The following ANO2 variants were observed in gnomAD, a reference collection of about 807,000 sequenced individuals.
The protein encoded by ANO2 is anoctamin 2.
In ANO2, 101 loss-of-function variants were observed where a neutral mutation model predicts 124.2. The observed-to-expected ratio is 0.81, with a 90% CI of 0.69 to 0.96. ANO2 has a LOEUF of 0.96. ANO2 is among the 40% of genes least tolerant of loss of function. ANO2 has a pLI of 0.00. For synonymous variants in ANO2, 486 were observed against 482.5 expected, an observed-to-expected ratio of 1.01 and a Z score of -0.09; for missense variants, 1,293 against 1,274.5, an observed-to-expected ratio of 1.01 and a Z score of -0.22.
At chr12:5,581,264 A>C (rs888064246) in intron 20 of ANO2, among the ~76,000 whole-genome samples, 2 of 152,208 alleles carry the variant, frequency 1.3e-5, no homozygotes, top group African/African-American at 4.8e-5. Context: ...CAGCAGGGCA[A>C]ATGTTCTTAT....
chr12:5,945,228 C>T lies in ANO2; in HGVS notation c.-11G>A. The T allele has an allele frequency of 7.8e-7, 1 of 1,287,452 alleles. No individual in the cohort carries two copies. Among genetic ancestry groups the T allele is most frequent in the Non-Finnish European group, 1.0e-6 (1 of 987,530 alleles). The allele number at this position is 1,287,452 out of a possible 1,614,324, so 79.8% of individuals were successfully genotyped here. A position where few individuals can be genotyped will look rare whatever the true frequency, so the allele number is the denominator to read the frequency against. The stretch of plus-strand genomic sequence containing the variant: ...CCCGGGAGTCGCCATGATGTGGACG[C>T]AGACCCCGCCGGCCCGCGGCCGCGC... On this transcript the variant is annotated 5_prime_UTR_variant, in exon 1 of 25. Transcript: ENST00000682330.
chr12:5,894,451 C>T (rs1208226481), intron 3 of ANO2, among the ~76,000 whole-genome samples: 1 of 152,184 alleles, frequency 6.6e-6, no homozygotes, highest in East Asian at 1.9e-4. Context: ...CCTGTTCACT[C>T]TGATGATAGT....
At chr12:5,826,047 A>C (rs1342705506) in intron 7 of ANO2, among the ~76,000 whole-genome samples, 1 of 152,234 alleles carries the variant, frequency 6.6e-6, no homozygotes, top group Non-Finnish European at 1.5e-5. Context: ...TTGTGCATGT[A>C]TACACTTGCA....
intron 7 of ANO2, among the ~76,000 whole-genome samples, chr12:5,820,099 A>G (rs1475336732): frequency 6.6e-6 from 1 of 152,198 alleles, no homozygotes; most frequent in African/African-American, 2.4e-5. Flanking sequence ...ATGGCCCATC[A>G]ATCAATTTCC....
At chr12:5,647,840 C>T in intron 14 of ANO2, 39 bp from the exon 15 acceptor site, 1 of 1,462,098 alleles carries the variant, frequency 6.8e-7, no homozygotes, top group Non-Finnish European at 9.5e-7. Context: ...TCAGGAGGCA[C>T]AAATAACAGA....
At chr12:5,927,945 G>A (rs1430287538) in intron 1 of ANO2, among the ~76,000 whole-genome samples, 1 of 152,202 alleles carries the variant, frequency 6.6e-6, no homozygotes, top group Non-Finnish European at 1.5e-5. Context: ...GTGGAGAGCT[G>A]GTAAGAGTGA....
At chr12:5,701,116 C>T (rs1398008087) in intron 14 of ANO2, among the ~76,000 whole-genome samples, 7 of 76,108 alleles carry the variant, frequency 9.2e-5, no homozygotes, top group Middle Eastern at 0.015. Flanking sequence ...TTTTTTGAGA[C>T]GAAGTCTCAC....
intron 14 of ANO2, among the ~76,000 whole-genome samples, chr12:5,708,516 A>C (rs1949700008): frequency 6.6e-6 from 1 of 152,182 alleles, no homozygotes; most frequent in South Asian, 2.1e-4. Flanking sequence ...TCCACCTGCT[A>C]AATGCACTCT....
At chr12:5,701,631 C>A (rs1437503521) in intron 14 of ANO2, among the ~76,000 whole-genome samples, 1 of 152,204 alleles carries the variant, frequency 6.6e-6, no homozygotes, top group Non-Finnish European at 1.5e-5. Context: ...ATTCCAGTAT[C>A]TCTGGCTAGT....
At chr12:5,829,612 G>A (rs1341936954) in intron 6 of ANO2, among the ~76,000 whole-genome samples, 3 of 152,176 alleles carry the variant, frequency 2.0e-5, no homozygotes, top group African/African-American at 7.2e-5. Context: ...AAGGATCAAT[G>A]GAAATGCACT....
At chr12:5,706,887 C>A (rs915418246) in intron 14 of ANO2, among the ~76,000 whole-genome samples, 3 of 152,354 alleles carry the variant, frequency 2.0e-5, no homozygotes, top group African/African-American at 7.2e-5. Context: ...CATAGAGCTA[C>A]TAATTCACAG....
At chr12:5,646,402 C>CCTA (rs1191393194) in intron 15 of ANO2, among the ~76,000 whole-genome samples, 2 of 152,106 alleles carry the variant, frequency 1.3e-5, no homozygotes, top group Non-Finnish European at 2.9e-5. Flanking sequence ...AATATCCTAA[C>CCTA]CTACTACTAC....
intron 16 of ANO2, among the ~76,000 whole-genome samples, chr12:5,628,857 TGA>T (rs1482915173): frequency 1.3e-5 from 2 of 152,092 alleles, no homozygotes; most frequent in Non-Finnish European, 2.9e-5. Context: ...ATAAGTAAAA[TGA>T]AAGAAATGAC....
chr12:5,719,415 AT>A (rs2137049761), intron 14 of ANO2, among the ~76,000 whole-genome samples: 1 of 152,298 alleles, frequency 6.6e-6, no homozygotes, highest in South Asian at 2.1e-4. Context: ...TCCCTGAAGA[AT>A]TCATATGTTG....
Position 5,787,029 on chromosome 12 carries a change from C to T in ANO2, c.1055+12478G>A, listed in dbSNP as rs1431354012. 6.6e-6 allele frequency among the ~76,000 whole-genome samples: 1 copy of T among 152,182 alleles called. No individual in the cohort carries two copies. The highest frequency in any genetic ancestry group is 1.5e-5 in the Non-Finnish European group (1 of 68,038). On this transcript the variant is annotated intron_variant, in intron 10 of 24. Transcript: ENST00000682330. This position sits in a 1 kb window ranked among gnomAD's most constrained non-coding sequence, Gnocchi z 4.2. ...GAGATGCTTCATGTCCACTGGAGCACAACCTGGTGAGACCATAGGTTAGTT... is the reference window on the plus strand; with the variant it reads ...GAGATGCTTCATGTCCACTGGAGCATAACCTGGTGAGACCATAGGTTAGTT...
intron 14 of ANO2, among the ~76,000 whole-genome samples, chr12:5,714,879 T>A (rs76149849): frequency 0.011 from 1,620 of 152,244 alleles, 15 homozygotes; most frequent in Non-Finnish European, 0.017. Context: ...AAGAGCCCTA[T>A]CAGATTTGTT....
At chr12:5,592,551 G>C (rs759292199) in intron 20 of ANO2, among the ~76,000 whole-genome samples, 2 of 152,180 alleles carry the variant, frequency 1.3e-5, no homozygotes, top group Non-Finnish European at 2.9e-5. Flanking sequence ...TGCACTGGGC[G>C]TGTGAACTTT....
In ANO2 at chr12:5,719,651, G is replaced by T. The variant is rs555659216; in HGVS notation, c.1545+12869C>A. On this transcript the variant is annotated intron_variant, in intron 14 of 24. Coordinates refer to ENST00000682330, the MANE Select transcript of ANO2 (RefSeq NM_001364791.2). ...CAAATATTGAATCTGCCAGTGTCTT[G>T]ATCTTAGCCTTCCCAGCCTCCAGAA... Among the ~76,000 whole-genome samples, 4 of 152,304 alleles carry T rather than the reference G, an allele frequency of 2.6e-5. No homozygotes were observed. In the South Asian group the frequency reaches 8.3e-4, roughly 32 times the overall value.
At chr12:5,757,302 G>GAATGAAA (rs1380035602) in intron 10 of ANO2, among the ~76,000 whole-genome samples, 12 of 152,050 alleles carry the variant, frequency 7.9e-5, no homozygotes, top group African/African-American at 2.4e-4. Flanking sequence ...ATTACTTTTA[G>GAATGAAA]AATGAAAAGT....
Sources: allele counts gnomAD v4.1 joint callset (sites outside exome capture counted in the v4.1 genomes callset), GRCh38; gene constraint gnomAD v4.1.1; non-coding constraint Gnocchi (gnomAD v3.1); transcripts MANE v1.5; gene names NCBI Gene and HGNC (gene_info 2026-07-23, HGNC 2026-07-21).